Variants in MAP4K4 observed in about 807,000 individuals in gnomAD.
MAP4K4 encodes mitogen-activated protein kinase kinase kinase kinase 4, also known as HPK/GCK-like kinase HGK.
Under a neutral mutation model 189.6 loss-of-function variants are expected in MAP4K4, and 38 were observed. The observed-to-expected ratio is 0.20, with a 90% CI of 0.15 to 0.26. The LOEUF is 0.26. Among genes scored for constraint, MAP4K4 ranks in the 10% least tolerant of loss-of-function variants. The pLI is 1.00. For synonymous variants in MAP4K4, 610 were observed against 624.3 expected (o/e 0.98, Z 0.34); for missense variants, 1,054 against 1,726.9 (o/e 0.61, Z 6.91).
intron 2 of MAP4K4, among the ~76,000 whole-genome samples, chr2:101,774,821 T>C (rs2083177090): frequency 6.6e-6 from 1 of 152,162 alleles, no homozygotes; most frequent in African/African-American, 2.4e-5. Flanking sequence ...GTTCTGATTT[T>C]AAAGGCATGT....
At chr2:101,743,141 G>A (rs1017193221) in intron 2 of MAP4K4, among the ~76,000 whole-genome samples, 5 of 152,272 alleles carry the variant, frequency 3.3e-5, no homozygotes, top group African/African-American at 1.2e-4. Flanking sequence ...CAGAAGGTAG[G>A]TTAACCACAT....
At chr2:101,769,841 TAG>T (rs2080466446) in intron 2 of MAP4K4, among the ~76,000 whole-genome samples, 1 of 151,930 alleles carries the variant, frequency 6.6e-6, no homozygotes, top group Admixed American at 6.6e-5. Flanking sequence ...CTTGGCCTCC[TAG>T]AGTGCTGGGA....
At chr2:101,871,565 A>G in exon 24 of MAP4K4, 1 of 1,536,286 alleles carries the variant, frequency 6.5e-7, no homozygotes, top group Non-Finnish European at 8.7e-7. Context: ...ACCTCTTGCC[A>G]GATCTCTTAC....
At chr2:101,818,536 C>T (rs1007435443) in intron 3 of MAP4K4, among the ~76,000 whole-genome samples, 1 of 152,166 alleles carries the variant, frequency 6.6e-6, no homozygotes, top group Non-Finnish European at 1.5e-5. Context: ...CACATAGTTA[C>T]TACCATTGAT....
intron 2 of MAP4K4, among the ~76,000 whole-genome samples, chr2:101,732,115 A>T (rs2058720352): frequency 6.6e-6 from 1 of 152,210 alleles, no homozygotes; most frequent in Admixed American, 6.5e-5. Flanking sequence ...AATATAATTT[A>T]GTATTATTTA....
At chr2:101,735,511 T>A (rs950148778) in intron 2 of MAP4K4, among the ~76,000 whole-genome samples, 6 of 152,204 alleles carry the variant, frequency 3.9e-5, no homozygotes, top group Non-Finnish European at 7.3e-5. Context: ...TGAAAAAATC[T>A]GTAGGTTTTG....
At chr2:101,865,101 GT>G in intron 18 of MAP4K4, 65 bp downstream of exon 18, 1 of 1,006,876 alleles carries the variant, frequency 9.9e-7, no homozygotes, top group Non-Finnish European at 1.5e-6. Context: ...TACATTGTCT[GT>G]TTCATAAAAA....
chr2:101,788,082 G>C (rs2091992529), intron 2 of MAP4K4, among the ~76,000 whole-genome samples: 1 of 151,338 alleles, frequency 6.6e-6, no homozygotes, highest in Non-Finnish European at 1.5e-5. Flanking sequence ...GGGATTATAG[G>C]CATGAGCCAC....
chr2:101,808,568 A>G (rs1429930299), intron 3 of MAP4K4, among the ~76,000 whole-genome samples: 1 of 135,254 alleles, frequency 7.4e-6, no homozygotes, highest in South Asian at 2.4e-4. Context: ...CGTTTAGTAT[A>G]CCTACGGTGG....
chr2:101,831,611 T>C, intron 6 of MAP4K4, 110 bp from the exon 7 acceptor site: 1 of 1,196,114 alleles, frequency 8.4e-7, no homozygotes, highest in Non-Finnish European at 1.2e-6. Flanking sequence ...CATGAAGCAC[T>C]GCTGTTTCAG....
intron 3 of MAP4K4, among the ~76,000 whole-genome samples, chr2:101,796,160 T>G (rs1318916203): frequency 6.6e-6 from 1 of 152,224 alleles, no homozygotes; most frequent in African/African-American, 2.4e-5. Context: ...CAGTGGCCTT[T>G]CCAACATGTG....
chr2:101,763,501 G>A (rs936183523), intron 2 of MAP4K4, among the ~76,000 whole-genome samples: 2 of 152,156 alleles, frequency 1.3e-5, no homozygotes, highest in Non-Finnish European at 2.9e-5. Flanking sequence ...GGGCTTATAA[G>A]TTTTAAATTA....
intron 2 of MAP4K4, among the ~76,000 whole-genome samples, chr2:101,747,299 A>G (rs983872457): frequency 4.6e-5 from 7 of 151,872 alleles, no homozygotes; most frequent in African/African-American, 1.5e-4. Flanking sequence ...TTGTATTTTT[A>G]ATAGAGACGG....
At chr2:101,718,077 A>T (rs1432447383) in intron 2 of MAP4K4, among the ~76,000 whole-genome samples, 1 of 151,998 alleles carries the variant, frequency 6.6e-6, no homozygotes, top group African/African-American at 2.4e-5. Flanking sequence ...ACCAACATGG[A>T]GAAACCCCAT....
intron 3 of MAP4K4, chr2:101,797,437 C>T: frequency 7.9e-7 from 1 of 1,262,070 alleles, no homozygotes; most frequent in Non-Finnish European, 1.0e-6. Context: ...CCTGCACCGC[C>T]CCCTCCCTCC....
At chr2:101,853,745 C>T (rs931933078) in intron 12 of MAP4K4, among the ~76,000 whole-genome samples, 2 of 152,068 alleles carry the variant, frequency 1.3e-5, no homozygotes, top group African/African-American at 4.8e-5. Flanking sequence ...CATACATCAT[C>T]ATCTTTAGAA....
chr2:101,892,835 A>G (rs1453205326), exon 33 of MAP4K4: 3 of 449,446 alleles, frequency 6.7e-6, no homozygotes, highest in Non-Finnish European at 1.4e-5. Flanking sequence ...TCATCACTCA[A>G]GCTCCCGTAA....
Position 101,745,972 on chromosome 2 carries a change from TTGTGTGTG to T in MAP4K4, c.124-44720_124-44713del, listed in dbSNP as rs5832985. ...CAAATTATTTGAAATCCTGTTTCCT[TTGTGTGTG>T]TGTGTGTGTGTGTGTGTGTGTGTGT... On this transcript the variant is annotated intron_variant, in intron 2 of 32. Coordinates refer to ENST00000324219, the Ensembl canonical transcript of MAP4K4. 1.3e-3 allele frequency among the ~76,000 whole-genome samples: 187 copies of T among 146,582 alleles called. 1 individual carries two copies. Among genetic ancestry groups the T allele is most frequent in the East Asian group, 8.0e-3 (40 of 5,012 alleles).
intron 2 of MAP4K4, among the ~76,000 whole-genome samples, chr2:101,720,698 T>C (rs1209495042): frequency 6.6e-6 from 1 of 152,240 alleles, no homozygotes; most frequent in Non-Finnish European, 1.5e-5. Flanking sequence ...ACTGATCTTT[T>C]TATCATTTTT....
Sources: allele counts gnomAD v4.1 joint callset (sites outside exome capture counted in the v4.1 genomes callset), GRCh38; gene constraint gnomAD v4.1.1; transcripts MANE v1.5; gene names NCBI Gene and HGNC (gene_info 2026-07-23, HGNC 2026-07-21).